CDH13: variants seen among roughly 807,000 people sequenced by gnomAD.
CDH13 encodes cadherin 13.
A neutral mutation model predicts 63.8 loss-of-function variants in CDH13; 24 were observed. The ratio of observed to expected loss-of-function variants is 0.38; its 90% confidence interval spans 0.27 to 0.53. The LOEUF (loss-of-function observed/expected upper bound fraction) is 0.53. Among genes scored for constraint, CDH13 ranks in the 20% least tolerant of loss-of-function variants. CDH13 has a pLI of 0.85. For missense variants in CDH13, 1,049 were observed against 903.1 expected (o/e 1.16, Z -2.07); for synonymous variants, 503 against 355.3 (o/e 1.42, Z -4.67).
At chr16:82,838,070 G>T (rs780582567) in intron 1 of CDH13, among the ~76,000 whole-genome samples, 3 of 152,076 alleles carry the variant, frequency 2.0e-5, no homozygotes, top group South Asian at 2.1e-4. Flanking sequence ...CCATCACCCC[G>T]CAGATCCTGG....
intron 1 of CDH13, among the ~76,000 whole-genome samples, chr16:82,766,184 C>G (rs189461707): frequency 1.3e-3 from 201 of 152,282 alleles, no homozygotes; most frequent in Admixed American, 2.4e-3. Flanking sequence ...TAGGCTTCTG[C>G]TAAAAAGTCT....
At chr16:82,811,514 G>T (rs1319782383) in intron 1 of CDH13, among the ~76,000 whole-genome samples, 1 of 152,086 alleles carries the variant, frequency 6.6e-6, no homozygotes, top group Admixed American at 6.6e-5. Context: ...ATACTATTGT[G>T]ATTTGTTATC....
At chr16:83,267,329 G>A (rs986962867) in intron 5 of CDH13, among the ~76,000 whole-genome samples, 14 of 152,100 alleles carry the variant, frequency 9.2e-5, no homozygotes, top group South Asian at 4.2e-4. Context: ...TTCAGAGCCC[G>A]GCTGGATTAT....
intron 6 of CDH13, among the ~76,000 whole-genome samples, chr16:83,379,854 C>G (rs1480970643): frequency 6.7e-6 from 1 of 148,998 alleles, no homozygotes. Flanking sequence ...AAATATATAA[C>G]CCAATAATTT....
intron 1 of CDH13, among the ~76,000 whole-genome samples, chr16:82,801,186 A>G (rs1484344699): frequency 6.6e-6 from 1 of 152,172 alleles, no homozygotes; most frequent in African/African-American, 2.4e-5. Context: ...TGCCCTACAG[A>G]GCCTTAGAAG....
At chr16:82,631,935 G>A (rs183332822) in intron 1 of CDH13, among the ~76,000 whole-genome samples, 1 of 152,226 alleles carries the variant, frequency 6.6e-6, no homozygotes, top group East Asian at 1.9e-4. Context: ...TGCAACTCTG[G>A]CTTCTGGGCA....
At chr16:83,690,295 G>A (rs968202963) in intron 10 of CDH13, among the ~76,000 whole-genome samples, 1 of 152,206 alleles carries the variant, frequency 6.6e-6, no homozygotes, top group Non-Finnish European at 1.5e-5. Flanking sequence ...TGCAAAGAAA[G>A]GAAGCAGAGA....
chr16:82,942,434 TC>T (rs1468296312), intron 2 of CDH13, among the ~76,000 whole-genome samples: 1 of 152,198 alleles, frequency 6.6e-6, no homozygotes, highest in Non-Finnish European at 1.5e-5. Context: ...TTTAAAACTA[TC>T]CTGTTATAAG....
intron 1 of CDH13, among the ~76,000 whole-genome samples, chr16:82,713,938 C>A (rs948426379): frequency 6.6e-6 from 1 of 151,974 alleles, no homozygotes; most frequent in Non-Finnish European, 1.5e-5. Flanking sequence ...CAAATCATAC[C>A]CTTAATATCA....
chr16:82,778,333 T>C (rs2033408497), intron 1 of CDH13, among the ~76,000 whole-genome samples: 1 of 152,134 alleles, frequency 6.6e-6, no homozygotes, highest in South Asian at 2.1e-4. Context: ...ATTCCCTCTC[T>C]TTCAAATAAC....
In CDH13 at chr16:83,702,179, A is replaced by G. The variant is rs563982086; in HGVS notation, c.1538+23718A>G. ...AATACAAAAATCTGACGTATTCCAG[A>G]GGCTTGGATACCCTCCTTGGTACTC... On this transcript the variant is annotated intron_variant, in intron 10 of 13. Transcript: ENST00000567109. Among the ~76,000 whole-genome samples, 3 of 152,284 alleles carry G rather than the reference A, an allele frequency of 2.0e-5. No homozygotes were observed. In the South Asian group the frequency reaches 6.2e-4, roughly 32 times the overall value.
At chr16:82,839,235 G>T (rs1049760901) in intron 1 of CDH13, among the ~76,000 whole-genome samples, 1 of 152,142 alleles carries the variant, frequency 6.6e-6, no homozygotes, top group African/African-American at 2.4e-5. Context: ...CCCTCCATGT[G>T]GCCGCGTCTT....
chr16:83,162,350 C>T (rs1038096775), intron 4 of CDH13, among the ~76,000 whole-genome samples: 12 of 152,042 alleles, frequency 7.9e-5, no homozygotes, highest in East Asian at 1.9e-4. Context: ...GCTTTATTTA[C>T]GTGATATCAT....
At chr16:83,708,739 G>T (rs1907540072) in intron 10 of CDH13, among the ~76,000 whole-genome samples, 1 of 152,138 alleles carries the variant, frequency 6.6e-6, no homozygotes, top group South Asian at 2.1e-4. Flanking sequence ...TAAGAAGGAG[G>T]CAGGGCCAAG....
intron 7 of CDH13, among the ~76,000 whole-genome samples, chr16:83,534,881 C>G (rs1473608789): frequency 6.6e-6 from 1 of 152,188 alleles, no homozygotes; most frequent in Non-Finnish European, 1.5e-5. Context: ...TGATAATGAT[C>G]AAGGATTTCT....
In CDH13 at chr16:83,047,538, C is replaced by A. The variant is rs999719694; in HGVS notation, c.366+15320C>A. The stretch of plus-strand genomic sequence containing the variant: ...TGGAAGGGGAGGATAAGAAAGAAGA[C>A]CTAAAAACTGAATTTTTAAAATACA... On this transcript the variant is annotated intron_variant, in intron 3 of 13. Transcript: ENST00000567109. This position sits in a 1 kb window ranked among gnomAD's most constrained non-coding sequence, Gnocchi z 4.9. 6.6e-6 allele frequency among the ~76,000 whole-genome samples: 1 copy of A among 152,092 alleles called. No individual in the cohort carries two copies. The highest frequency in any genetic ancestry group is 2.4e-5 in the African/African-American group (1 of 41,396).
At chr16:83,108,535 C>T (rs1335598990) in intron 3 of CDH13, among the ~76,000 whole-genome samples, 1 of 152,212 alleles carries the variant, frequency 6.6e-6, no homozygotes, top group Admixed American at 6.5e-5. Context: ...GGCTCCTCCC[C>T]ACTGCAAAGG....
intron 3 of CDH13, among the ~76,000 whole-genome samples, chr16:83,045,414 G>A (rs1435397614): frequency 1.3e-5 from 2 of 152,002 alleles, no homozygotes; most frequent in African/African-American, 4.8e-5. Context: ...TGAGGCAGGT[G>A]GATCACGATA....
At chr16:83,550,001 C>G (rs1467069558) in intron 7 of CDH13, among the ~76,000 whole-genome samples, 3 of 152,204 alleles carry the variant, frequency 2.0e-5, no homozygotes, top group Admixed American at 6.5e-5. Flanking sequence ...GTTTGCCAAA[C>G]TTGGCTGACC....
Sources: allele counts gnomAD v4.1 joint callset (sites outside exome capture counted in the v4.1 genomes callset), GRCh38; gene constraint gnomAD v4.1.1; non-coding constraint Gnocchi (gnomAD v3.1); transcripts MANE v1.5; gene names NCBI Gene and HGNC (gene_info 2026-07-23, HGNC 2026-07-21).